The following MMP16 variants were observed in gnomAD, a reference collection of about 807,000 sequenced individuals.
MMP16 encodes matrix metalloproteinase-16.
In MMP16, 12 loss-of-function variants were observed where a neutral mutation model predicts 67.8. That is an observed-to-expected ratio of 0.18 (90% CI 0.11 to 0.29). MMP16 has a LOEUF of 0.29. MMP16 is among the 10% of genes least tolerant of loss of function. The pLI, the probability that MMP16 is intolerant of heterozygous loss-of-function variation, is 1.00. For missense variants in MMP16, 475 were observed against 765.7 expected (o/e 0.62, Z 4.48); for synonymous variants, 249 against 255.9 (o/e 0.97, Z 0.26).
chr8:88,304,923 A>G (rs1243107507), intron 1 of MMP16, among the ~76,000 whole-genome samples: 1 of 152,222 alleles, frequency 6.6e-6, no homozygotes, highest in Non-Finnish European at 1.5e-5. Context: ...CATCATAATG[A>G]CAGGATCAAA....
At chr8:88,197,064 C>T in intron 2 of MMP16, 94 bp downstream of exon 2, 2 of 1,179,450 alleles carry the variant, frequency 1.7e-6, no homozygotes, top group Non-Finnish European at 1.2e-6. Context: ...ACAAATTACT[C>T]CATTTCTGGT....
chr8:88,137,627 C>G (rs985544024), intron 4 of MMP16, among the ~76,000 whole-genome samples: 1 of 151,944 alleles, frequency 6.6e-6, no homozygotes, highest in Non-Finnish European at 1.5e-5. Context: ...TGTTTTTCAT[C>G]TGTTTTAGAA....
intron 1 of MMP16, among the ~76,000 whole-genome samples, chr8:88,263,093 CACT>C (rs1810416422): frequency 1.3e-5 from 2 of 151,468 alleles, no homozygotes; most frequent in African/African-American, 4.8e-5. Flanking sequence ...GTCGATACAC[CACT>C]ATCATTGCCA....
chr8:88,240,218 G>A (rs1253734751), intron 1 of MMP16, among the ~76,000 whole-genome samples: 1 of 152,196 alleles, frequency 6.6e-6, no homozygotes, highest in Non-Finnish European at 1.5e-5. Context: ...ATCAGCAATT[G>A]TTAATTTTAT....
At chr8:88,096,372 T>G (rs558164602) in intron 6 of MMP16, among the ~76,000 whole-genome samples, 2 of 152,012 alleles carry the variant, frequency 1.3e-5, no homozygotes, top group African/African-American at 4.8e-5. Flanking sequence ...TTTTAAAACT[T>G]AAAAAGTCTT....
intron 7 of MMP16, among the ~76,000 whole-genome samples, chr8:88,062,016 TC>T (rs1167506385): frequency 6.6e-6 from 1 of 152,104 alleles, no homozygotes; most frequent in African/African-American, 2.4e-5. Flanking sequence ...GCAGTTATTC[TC>T]ACAAAATTAA....
intron 1 of MMP16, among the ~76,000 whole-genome samples, chr8:88,243,387 C>G (rs1810061016): frequency 6.6e-6 from 1 of 152,168 alleles, no homozygotes; most frequent in Non-Finnish European, 1.5e-5. Context: ...AATGTTGATG[C>G]ACCAGGCAAC....
chr8:88,303,376 T>C (rs1363555005), intron 1 of MMP16, among the ~76,000 whole-genome samples: 1 of 152,150 alleles, frequency 6.6e-6, no homozygotes, highest in Non-Finnish European at 1.5e-5. Context: ...TACACAGCTG[T>C]TCCAGCCTGC....
intron 6 of MMP16, among the ~76,000 whole-genome samples, chr8:88,091,167 C>T (rs1294939322): frequency 1.3e-5 from 2 of 151,692 alleles, no homozygotes; most frequent in African/African-American, 4.8e-5. Context: ...TCTCCTACTC[C>T]CAAAGACCAA....
At chr8:88,289,800 A>G (rs1187562958) in intron 1 of MMP16, among the ~76,000 whole-genome samples, 1 of 151,948 alleles carries the variant, frequency 6.6e-6, no homozygotes, top group Non-Finnish European at 1.5e-5. Context: ...CTTTTTTAAA[A>G]AAAAAGGAAA....
chr8:88,233,384 C>A (rs16880086), intron 1 of MMP16, among the ~76,000 whole-genome samples: 15 of 151,858 alleles, frequency 9.9e-5, no homozygotes, highest in African/African-American at 3.6e-4. Flanking sequence ...AACCAGATAC[C>A]TTGCCCTTCT....
intron 1 of MMP16, among the ~76,000 whole-genome samples, chr8:88,292,741 A>G (rs1286046282): frequency 6.6e-6 from 1 of 152,212 alleles, no homozygotes; most frequent in African/African-American, 2.4e-5. Flanking sequence ...TATTTAATCC[A>G]TTCACACCAC....
chr8:88,258,735 A>C (rs183153516), intron 1 of MMP16, among the ~76,000 whole-genome samples: 1 of 152,266 alleles, frequency 6.6e-6, no homozygotes, highest in Non-Finnish European at 1.5e-5. Context: ...AAAATGAATC[A>C]TGTTGCTATT....
intron 1 of MMP16, among the ~76,000 whole-genome samples, chr8:88,197,973 G>T (rs760004056): frequency 6.6e-6 from 1 of 152,128 alleles, no homozygotes; most frequent in Admixed American, 6.6e-5. Context: ...AAGAAATCCA[G>T]CTATCATCTT....
chr8:88,068,935 C>T (rs1323258016), intron 7 of MMP16, among the ~76,000 whole-genome samples: 3 of 152,092 alleles, frequency 2.0e-5, no homozygotes, highest in Non-Finnish European at 2.9e-5. Context: ...CTCCTGACCT[C>T]GAGTGATCCA....
At chr8:88,177,600 GA>G (rs1398387273) in intron 3 of MMP16, among the ~76,000 whole-genome samples, 1 of 151,918 alleles carries the variant, frequency 6.6e-6, no homozygotes, top group East Asian at 1.9e-4. Flanking sequence ...GCATGGGGAG[GA>G]AAAAAAGCAA....
chr8:88,151,642 A>G (rs1185042917), intron 4 of MMP16, among the ~76,000 whole-genome samples: 2 of 146,646 alleles, frequency 1.4e-5, no homozygotes, highest in African/African-American at 5.0e-5. Context: ...GAAGGCAGAA[A>G]TAAAGATGTT....
rs1808066235 is a variant in MMP16, at chr8:88,037,201, T to C, written c.*4260A>G. 1 of 151,142 alleles carries C rather than the reference T, an allele frequency of 6.6e-6. No individual in the cohort carries two copies. The highest frequency in any genetic ancestry group is 1.5e-5 in the Non-Finnish European group (1 of 67,658). 9.4% of individuals were successfully genotyped at this position (151,142 alleles called of 1,614,324 possible). ...AGTTTACACACCATCATCTATGTAT[T>C]GGAACTAGCAGTGAAGTTTGGACAA... On this transcript the variant is annotated 3_prime_UTR_variant, in exon 10 of 10. Coordinates refer to ENST00000286614, the MANE Select transcript of MMP16 (RefSeq NM_005941.5).
intron 1 of MMP16, among the ~76,000 whole-genome samples, chr8:88,300,617 A>G (rs1777419310): frequency 6.6e-6 from 1 of 152,202 alleles, no homozygotes; most frequent in Non-Finnish European, 1.5e-5. Context: ...CATTGTGCAT[A>G]TTTTATAAGT....
Sources: gnomAD v4.1 joint callset for allele counts (sites outside exome capture counted in the v4.1 genomes callset) on GRCh38, gnomAD v4.1.1 for gene constraint, MANE v1.5 for transcripts, NCBI Gene and HGNC (gene_info 2026-07-23, HGNC 2026-07-21) for gene names.